The following DUSP22 variants were observed in gnomAD, a reference collection of about 807,000 sequenced individuals.
DUSP22 encodes the protein dual specificity protein phosphatase 22.
In DUSP22, 24 loss-of-function variants were observed where a neutral mutation model predicts 24.5. The ratio of observed to expected loss-of-function variants is 0.98; its 90% CI spans 0.71 to 1.38. The LOEUF (loss-of-function observed/expected upper bound fraction) is 1.38. Among genes scored for constraint, DUSP22 ranks in the 40% most tolerant of loss-of-function variants. The probability of loss-of-function intolerance (pLI) is 0.00; values close to 1 mark genes in which losing one functional copy is unlikely to be tolerated. For missense variants in DUSP22, 330 were observed against 269.2 expected (o/e 1.23, Z -1.58); for synonymous variants, 160 against 106.4 (o/e 1.50, Z -3.10).
intron 3 of DUSP22, chr6:326,083 C>T (rs758575149): frequency 7.2e-4 from 170 of 235,686 alleles, no homozygotes; most frequent in African/African-American, 3.3e-3. Flanking sequence ...CTGCCCTGGG[C>T]TTCCCCGTCC....
intron 1 of DUSP22, among the ~76,000 whole-genome samples, chr6:297,564 C>T (rs1179396705): frequency 6.6e-6 from 1 of 152,270 alleles, no homozygotes; most frequent in East Asian, 1.9e-4. Context: ...GGTTTAGCAA[C>T]ATCTCAGATC....
chr6:302,751 G>T (rs1757642079), intron 1 of DUSP22, among the ~76,000 whole-genome samples: 1 of 152,308 alleles, frequency 6.6e-6, no homozygotes, highest in African/African-American at 2.4e-5. Context: ...GCTGTAAAAA[G>T]TGATCCTGAC....
intron 4 of DUSP22, among the ~76,000 whole-genome samples, chr6:336,545 C>T (rs1759369186): frequency 6.6e-6 from 1 of 152,296 alleles, no homozygotes; most frequent in African/African-American, 2.4e-5. Context: ...GTGAGATCTA[C>T]CTTTTTGGGA....
intron 3 of DUSP22, among the ~76,000 whole-genome samples, chr6:316,611 T>C (rs1431609184): frequency 6.6e-6 from 1 of 152,302 alleles, no homozygotes; most frequent in African/African-American, 2.4e-5. Context: ...GAAACTAATA[T>C]TGAGCAATGA....
At chr6:328,598 C>T (rs1205941186) in intron 3 of DUSP22, among the ~76,000 whole-genome samples, 3 of 152,306 alleles carry the variant, frequency 2.0e-5, no homozygotes, top group African/African-American at 4.8e-5. Context: ...CCCGCCCCAT[C>T]AGTACCACAG....
chr6:332,235 T>A (rs1456122489), intron 3 of DUSP22, among the ~76,000 whole-genome samples: 7 of 152,306 alleles, frequency 4.6e-5, no homozygotes, highest in African/African-American at 1.7e-4. Context: ...TCTATTTTTA[T>A]CTGTCCTGCC....
intron 2 of DUSP22, among the ~76,000 whole-genome samples, chr6:306,241 A>C (rs566762927): frequency 1.3e-5 from 2 of 152,428 alleles, no homozygotes; most frequent in East Asian, 3.8e-4. Context: ...TCTTAGAAGT[A>C]GAATTGCTAG....
Position 328,072 on chromosome 6 carries a change from T to A in DUSP22, c.139-7042T>A, listed in dbSNP as rs201239941. Among the ~76,000 whole-genome samples, 166 of 152,380 alleles carry A rather than the reference T, an allele frequency of 1.1e-3. 1 individual carries two copies. In the East Asian group the frequency reaches 0.027, roughly 25 times the overall value. ...AGATAAATTTTTCCCTGGTGATACG[T>A]ACAGAGAACACTCCTAGAATATCTG... On this transcript the variant is annotated intron_variant, in intron 3 of 6. Coordinates refer to ENST00000419235, the MANE Select transcript of DUSP22 (RefSeq NM_001286555.3).
intron 6 of DUSP22, 128 bp downstream of exon 6, chr6:348,402 G>C: frequency 6.9e-7 from 1 of 1,457,724 alleles, no homozygotes; most frequent in Non-Finnish European, 9.3e-7. Flanking sequence ...TCGGCTCCCA[G>C]GGCGCCCAGC....
intron 4 of DUSP22, among the ~76,000 whole-genome samples, chr6:342,356 A>G (rs1275235524): frequency 1.3e-5 from 2 of 152,298 alleles, no homozygotes; most frequent in Non-Finnish European, 2.9e-5. Context: ...GCGTCTTGGC[A>G]CCCTTGGGGG....
intron 1 of DUSP22, among the ~76,000 whole-genome samples, chr6:301,439 C>T (rs4256471): frequency 0.11 from 16,127 of 147,542 alleles, 47 homozygotes; most frequent in East Asian, 0.29. Context: ...AGCCAACCTG[C>T]GGAAGCCATG....
chr6:304,491 G>A lies in DUSP22; in HGVS notation c.22-137G>A, dbSNP rs1251849627. 7.9e-5 allele frequency: 102 copies of A among 1,299,050 alleles called. No individual in the cohort carries two copies. In the Middle Eastern group the frequency reaches 1.1e-3, roughly 14 times the overall value. 80.5% of individuals were successfully genotyped at this position (1,299,050 alleles called of 1,614,324 possible). A position where few individuals can be genotyped will look rare whatever the true frequency, so the allele number is the denominator to read the frequency against. ...GGCCGCTGGGGATGTTGGGTCACCC[G>A]CGTGTCTGTCAGGGAGGTGCTGTAC... On this transcript the variant is annotated intron_variant, in intron 1 of 6. Transcript: ENST00000419235.
intron 2 of DUSP22, among the ~76,000 whole-genome samples, chr6:305,043 GAAT>G (rs1757760185): frequency 6.6e-6 from 1 of 152,292 alleles, no homozygotes; most frequent in Non-Finnish European, 1.5e-5. Flanking sequence ...TCTTAAAGCT[GAAT>G]AATACTCCAT....
chr6:320,730 G>A (rs1283560801), intron 3 of DUSP22, among the ~76,000 whole-genome samples: 1 of 152,298 alleles, frequency 6.6e-6, no homozygotes, highest in Non-Finnish European at 1.5e-5. Context: ...TGAGGGGTGT[G>A]TCTTCTGTAG....
At chr6:304,582 C>T in intron 1 of DUSP22, 46 bp from the exon 2 acceptor site, 1 of 1,613,962 alleles carries the variant, frequency 6.2e-7, no homozygotes, top group Non-Finnish European at 8.5e-7. Flanking sequence ...CAATACCATC[C>T]ACTTAGAGTC....
intron 3 of DUSP22, among the ~76,000 whole-genome samples, chr6:315,749 A>T (rs1260988902): frequency 6.6e-6 from 1 of 152,306 alleles, no homozygotes. Context: ...CCCTTTGAAG[A>T]CAAAGGGTTA....
At chr6:348,068 C>G (rs1440199659) in intron 5 of DUSP22, 35 bp from the exon 6 acceptor site, 5 of 1,610,784 alleles carry the variant, frequency 3.1e-6, no homozygotes, top group Non-Finnish European at 4.2e-6. Flanking sequence ...AGATCTGAAA[C>G]TGCCCTCACA....
intron 3 of DUSP22, among the ~76,000 whole-genome samples, chr6:314,182 G>A (rs768685408): frequency 8.9e-4 from 135 of 152,352 alleles, no homozygotes; most frequent in African/African-American, 3.2e-3. Context: ...GCTGACCCCT[G>A]GCTGGTGAGA....
chr6:319,179 TC>T (rs1437587948), intron 3 of DUSP22, among the ~76,000 whole-genome samples: 6 of 152,288 alleles, frequency 3.9e-5, no homozygotes, highest in African/African-American at 1.4e-4. Flanking sequence ...CACAATAAGA[TC>T]ATGTCCAAGT....
Sources: allele counts gnomAD v4.1 joint callset (sites outside exome capture counted in the v4.1 genomes callset), GRCh38; gene constraint gnomAD v4.1.1; transcripts MANE v1.5; gene names NCBI Gene and HGNC (gene_info 2026-07-23, HGNC 2026-07-21).